Variants in CAMK1D observed in about 807,000 individuals in gnomAD.
CAMK1D encodes the protein calcium/calmodulin-dependent protein kinase type 1D.
A neutral mutation model predicts 47.7 loss-of-function variants in CAMK1D; 9 were observed. That is an observed-to-expected ratio of 0.19 (90% CI 0.11 to 0.33). CAMK1D has a LOEUF of 0.33. Among genes scored for constraint, CAMK1D ranks in the 10% least tolerant of loss-of-function variants. CAMK1D has a pLI of 1.00. For synonymous variants in CAMK1D, 184 were observed against 184.9 expected, an observed-to-expected ratio of 0.99 and a Z score of 0.04; for missense variants, 291 against 488.7, an observed-to-expected ratio of 0.60 and a Z score of 3.81.
At chr10:12,416,038 T>TAG (rs1172936756) in intron 1 of CAMK1D, 2 of 152,218 alleles carry the variant, frequency 1.3e-5, no homozygotes, top group African/African-American at 4.8e-5. Context: ...CCATTCGCAT[T>TAG]AGACTGTGGG....
chr10:12,386,482 A>C (rs1838498810), intron 1 of CAMK1D, among the ~76,000 whole-genome samples: 1 of 152,196 alleles, frequency 6.6e-6, no homozygotes, highest in Admixed American at 6.5e-5. Context: ...CAAAAAAAAA[A>C]AAAATGAAAC....
Position 12,452,199 on chromosome 10 carries a change from G to A in CAMK1D, c.93-101026G>A, listed in dbSNP as rs145729953. Among the ~76,000 whole-genome samples, 333 of 152,238 alleles carry A rather than the reference G, an allele frequency of 2.2e-3. 3 individuals are homozygous for A. Among genetic ancestry groups the A allele is most frequent in the African/African-American group, 7.6e-3 (315 of 41,532 alleles). On this transcript the variant is annotated intron_variant, in intron 1 of 10. Coordinates refer to ENST00000619168, the MANE Select transcript of CAMK1D (RefSeq NM_153498.4). ...AATGACCTTTGTTCACATTAATGGAGCAGATGATTGCATTGCATTTTTTGG... is the reference window on the plus strand; with the variant it reads ...AATGACCTTTGTTCACATTAATGGAACAGATGATTGCATTGCATTTTTTGG...
intron 5 of CAMK1D, among the ~76,000 whole-genome samples, chr10:12,784,312 C>T (rs34270045): frequency 0.23 from 34,776 of 151,520 alleles, 4,158 homozygotes; most frequent in East Asian, 0.46. Context: ...ATTCTCTTGC[C>T]TCAGCCTCCT....
chr10:12,563,692 AGAGAGAGG>A (rs1195767612), intron 2 of CAMK1D, among the ~76,000 whole-genome samples: 206 of 63,880 alleles, frequency 3.2e-3, no homozygotes, highest in African/African-American at 6.5e-3. Context: ...AGAGAGAGAG[AGAGAGAGG>A]GAGAGAGAGG....
At chr10:12,640,780 C>A (rs1839642918) in intron 2 of CAMK1D, among the ~76,000 whole-genome samples, 1 of 152,180 alleles carries the variant, frequency 6.6e-6, no homozygotes, top group African/African-American at 2.4e-5. Context: ...AGGCCTGCCT[C>A]AGCCTTTACC....
intron 2 of CAMK1D, among the ~76,000 whole-genome samples, chr10:12,626,236 A>T (rs1223852101): frequency 6.6e-6 from 1 of 152,144 alleles, no homozygotes; most frequent in Non-Finnish European, 1.5e-5. Context: ...AATAACATTA[A>T]CAATAACAAT....
At chr10:12,447,921 C>T (rs574849554) in intron 1 of CAMK1D, among the ~76,000 whole-genome samples, 5 of 152,194 alleles carry the variant, frequency 3.3e-5, no homozygotes, top group South Asian at 4.1e-4. Flanking sequence ...GGCACAATCT[C>T]GGCTCACTGA....
At chr10:12,642,239 G>A (rs2132489820) in intron 2 of CAMK1D, among the ~76,000 whole-genome samples, 1 of 152,304 alleles carries the variant, frequency 6.6e-6, no homozygotes, top group South Asian at 2.1e-4. Flanking sequence ...TTGTGTGCTG[G>A]CCTGTGGATG....
chr10:12,363,665 GTTTTTTT>G (rs1165886868), intron 1 of CAMK1D, among the ~76,000 whole-genome samples: 5 of 117,084 alleles, frequency 4.3e-5, no homozygotes, highest in East Asian at 5.0e-4. Flanking sequence ...GTTTCCTAAG[GTTTTTTT>G]TTTTTTTTTT....
chr10:12,705,759 A>T (rs1354434880), intron 3 of CAMK1D, among the ~76,000 whole-genome samples: 1 of 152,188 alleles, frequency 6.6e-6, no homozygotes, highest in Non-Finnish European at 1.5e-5. Flanking sequence ...TGTCAGTATC[A>T]TTGAAGTATG....
At chr10:12,756,748 A>G (rs1305234011) in intron 3 of CAMK1D, among the ~76,000 whole-genome samples, 2 of 152,128 alleles carry the variant, frequency 1.3e-5, no homozygotes, top group African/African-American at 4.8e-5. Flanking sequence ...AACACGGTGA[A>G]ACCCCGTCTC....
intron 1 of CAMK1D, among the ~76,000 whole-genome samples, chr10:12,362,320 A>G (rs1837689791): frequency 6.6e-6 from 1 of 152,162 alleles, no homozygotes. Flanking sequence ...TACTTTAGGT[A>G]CCACATAGAA....
intron 1 of CAMK1D, among the ~76,000 whole-genome samples, chr10:12,522,123 G>T (rs1835435211): frequency 6.7e-6 from 1 of 148,446 alleles, no homozygotes; most frequent in Non-Finnish European, 1.5e-5. Context: ...GCTTTGCGTT[G>T]ATCTCTTCTG....
In CAMK1D at chr10:12,397,452, C is replaced by T. The variant is rs536669865; in HGVS notation, c.92+47542C>T. 3.3e-5 allele frequency among the ~76,000 whole-genome samples: 5 copies of T among 152,266 alleles called. No individual in the cohort carries two copies. In the South Asian group the frequency reaches 6.2e-4, roughly 19 times the overall value. Reference sequence around the variant, plus strand: ...GGCTTTGCAGATAAAACCATTTATTCTTGACCTACCCAAGCGGAGGTCCTG... The same window carrying T: ...GGCTTTGCAGATAAAACCATTTATTTTTGACCTACCCAAGCGGAGGTCCTG... On this transcript the variant is annotated intron_variant, in intron 1 of 10. Transcript: ENST00000619168.
At chr10:12,460,209 G>A (rs1216703298) in intron 1 of CAMK1D, among the ~76,000 whole-genome samples, 1 of 151,586 alleles carries the variant, frequency 6.6e-6, no homozygotes, top group Non-Finnish European at 1.5e-5. Context: ...TTTAGGAAAT[G>A]CACAAAAAGG....
chr10:12,376,505 G>A (rs966061561), intron 1 of CAMK1D, among the ~76,000 whole-genome samples: 23 of 152,262 alleles, frequency 1.5e-4, no homozygotes, highest in African/African-American at 5.5e-4. Context: ...GGTCCAGGGA[G>A]TGCCGCCAGG....
chr10:12,724,230 C>T (rs1241001892), intron 3 of CAMK1D, among the ~76,000 whole-genome samples: 2 of 152,196 alleles, frequency 1.3e-5, no homozygotes, highest in Non-Finnish European at 2.9e-5. Context: ...CTCAAGTGAT[C>T]CACCCACCAC....
At chr10:12,517,521 C>G (rs142970981) in intron 1 of CAMK1D, among the ~76,000 whole-genome samples, 4 of 152,218 alleles carry the variant, frequency 2.6e-5, no homozygotes, top group African/African-American at 9.6e-5. Context: ...TGTAGATCCT[C>G]TTTATCTAGT....
intron 1 of CAMK1D, among the ~76,000 whole-genome samples, chr10:12,505,933 G>T (rs916754745): frequency 6.6e-6 from 1 of 152,150 alleles, no homozygotes; most frequent in Non-Finnish European, 1.5e-5. Context: ...CTACCATTTA[G>T]AATTCATTCT....
Sources: allele counts gnomAD v4.1 joint callset (sites outside exome capture counted in the v4.1 genomes callset), GRCh38; gene constraint gnomAD v4.1.1; transcripts MANE v1.5; gene names NCBI Gene and HGNC (gene_info 2026-07-23, HGNC 2026-07-21).